The following PVT1 variants were observed in gnomAD, a reference collection of about 807,000 sequenced individuals.
PVT1 encodes the protein Pvt1 oncogene, also known as CXCR4/PVT1 fusion.
At chr8:127,879,698 A>T (rs1011050247) in intron 2 of PVT1, among the ~76,000 whole-genome samples, 3 of 152,220 alleles carry the variant, frequency 2.0e-5, no homozygotes, top group African/African-American at 7.2e-5. Flanking sequence ...CGTATCTCAC[A>T]GCATTGTTGG....
In PVT1 at chr8:127,852,740, C is replaced by T. The variant is rs538671815; in HGVS notation, n.373-37849C>T. Among the ~76,000 whole-genome samples, 3 of 152,272 alleles carry T rather than the reference C, an allele frequency of 2.0e-5. No individual in the cohort carries two copies. In the East Asian group the frequency reaches 5.8e-4, roughly 29 times the overall value. On this transcript the variant is annotated intron_variant and non_coding_transcript_variant, in intron 2 of 10. Coordinates refer to ENST00000651587, the Ensembl canonical transcript of PVT1. ...GGTCCTTTATTACTATTCAAGAAGC[C>T]TGCCCAGCCCTCCTCCCTCTCCATC...
intron 4 of PVT1, among the ~76,000 whole-genome samples, chr8:128,040,896 ATGTT>A (rs1468529644): frequency 1.3e-4 from 13 of 99,256 alleles, no homozygotes; most frequent in East Asian, 7.9e-4. Flanking sequence ...TTGTGTGTAT[ATGTT>A]TGTGCATGTG....
intron 5 of PVT1, among the ~76,000 whole-genome samples, chr8:128,089,231 T>G (rs747296764): frequency 2.0e-5 from 3 of 152,222 alleles, no homozygotes; most frequent in Admixed American, 2.0e-4. Flanking sequence ...CTCATAGTTC[T>G]AGAGGTTTGG....
In PVT1 at chr8:127,856,488, C is replaced by T. The variant is rs142510003; in HGVS notation, n.373-34101C>T. ...TCCCAAGTAGCTGGGATTACAGGCACCTGCCACCACGCCCAGCTAATTTTG... is the reference window on the plus strand; with the variant it reads ...TCCCAAGTAGCTGGGATTACAGGCATCTGCCACCACGCCCAGCTAATTTTG... On this transcript the variant is annotated intron_variant and non_coding_transcript_variant, in intron 2 of 10. Transcript: ENST00000651587. Among the ~76,000 whole-genome samples the T allele has an allele frequency of 4.6e-3, 703 of 151,922 alleles. 6 individuals carry two copies. The highest frequency in any genetic ancestry group is 0.016 in the African/African-American group (669 of 41,410).
At chr8:127,877,138 G>A (rs768892912) in intron 2 of PVT1, among the ~76,000 whole-genome samples, 3 of 152,180 alleles carry the variant, frequency 2.0e-5, no homozygotes, top group African/African-American at 2.4e-5. Flanking sequence ...ACTCCCCAGC[G>A]CCTGAGACAG....
chr8:128,048,194 C>T (rs1269752047), intron 4 of PVT1, among the ~76,000 whole-genome samples: 2 of 152,206 alleles, frequency 1.3e-5, no homozygotes, highest in Admixed American at 1.3e-4. Context: ...CCTAGCCTGC[C>T]CATTTGCATT....
intron 3 of PVT1, among the ~76,000 whole-genome samples, chr8:127,896,071 CTG>C (rs1341523757): frequency 6.6e-6 from 1 of 152,210 alleles, no homozygotes; most frequent in Admixed American, 6.5e-5. Context: ...TGCAATATTT[CTG>C]TGAGACTTGT....
intron 4 of PVT1, among the ~76,000 whole-genome samples, chr8:128,067,314 G>C (rs1007424426): frequency 1.3e-5 from 2 of 152,132 alleles, no homozygotes; most frequent in Admixed American, 1.3e-4. Flanking sequence ...TGGTGATGTG[G>C]GGCTAGAGAG....
chr8:127,914,779 G>A (rs902576103), intron 3 of PVT1, among the ~76,000 whole-genome samples: 2 of 151,642 alleles, frequency 1.3e-5, no homozygotes, highest in African/African-American at 4.8e-5. Context: ...GGGGGCCATG[G>A]GGAGTAGCTG....
At chr8:127,916,620 C>T (rs111866941) in intron 3 of PVT1, among the ~76,000 whole-genome samples, 3 of 152,284 alleles carry the variant, frequency 2.0e-5, no homozygotes, top group African/African-American at 7.2e-5. Context: ...CATTTTCTCT[C>T]ATAGTAGGAA....
chr8:127,905,863 G>T (rs1282389805), intron 3 of PVT1, among the ~76,000 whole-genome samples: 1 of 152,210 alleles, frequency 6.6e-6, no homozygotes, highest in Non-Finnish European at 1.5e-5. Flanking sequence ...GGCTGGCCTG[G>T]ATTGAATCCT....
chr8:128,040,102 G>A (rs1310346349), intron 4 of PVT1, among the ~76,000 whole-genome samples: 1 of 152,180 alleles, frequency 6.6e-6, no homozygotes, highest in Non-Finnish European at 1.5e-5. Context: ...GGAGGCAGCT[G>A]CATGTACAGA....
rs563276214 is a variant in PVT1 at position 128,055,874 on chromosome 8, C to T, written n.913-14286C>T. 3.8e-4 allele frequency among the ~76,000 whole-genome samples: 58 copies of T among 152,266 alleles called. No homozygotes were observed. In the South Asian group the frequency reaches 8.9e-3, roughly 23 times the overall value. On this transcript the variant is annotated intron_variant and non_coding_transcript_variant, in intron 4 of 10. Coordinates refer to ENST00000651587, the Ensembl canonical transcript of PVT1. ...AAGTTTCCTAGGACAGAATCATTTC[C>T]ATCACCTTCCCCTGGTAAAGCAGCC...
chr8:127,967,077 C>A (rs1259419485), intron 3 of PVT1, among the ~76,000 whole-genome samples: 3 of 152,186 alleles, frequency 2.0e-5, no homozygotes, highest in Non-Finnish European at 2.9e-5. Context: ...GCACACCTGA[C>A]AACGCCTTGG....
intron 2 of PVT1, among the ~76,000 whole-genome samples, chr8:127,886,962 G>C (rs1815529823): frequency 6.6e-6 from 1 of 152,056 alleles, no homozygotes; most frequent in South Asian, 2.1e-4. Flanking sequence ...GTGCTTTTTT[G>C]TTTCAGTAGG....
chr8:127,879,723 C>A (rs967327443), intron 2 of PVT1, among the ~76,000 whole-genome samples: 2 of 152,180 alleles, frequency 1.3e-5, no homozygotes, highest in East Asian at 3.9e-4. Flanking sequence ...TACAGGAACA[C>A]AACCAATGCT....
chr8:127,871,483 A>G (rs189142683), intron 2 of PVT1, among the ~76,000 whole-genome samples: 175 of 152,306 alleles, frequency 1.1e-3, no homozygotes, highest in African/African-American at 4.1e-3. Flanking sequence ...CTGCTGAGGA[A>G]GGGATGCGCT....
At chr8:127,834,466 C>A (rs1043927830) in intron 2 of PVT1, among the ~76,000 whole-genome samples, 1 of 151,996 alleles carries the variant, frequency 6.6e-6, no homozygotes, top group Non-Finnish European at 1.5e-5. Flanking sequence ...CCATAAAAAC[C>A]CTAGATGAAA....
chr8:127,912,702 CT>C (rs112470427), intron 3 of PVT1, among the ~76,000 whole-genome samples: 676 of 144,184 alleles, frequency 4.7e-3, no homozygotes, highest in Middle Eastern at 0.011. Flanking sequence ...TCCCTCCCTT[CT>C]TTTTTTTTTT....
Sources: gnomAD v4.1 joint callset for allele counts (sites outside exome capture counted in the v4.1 genomes callset) on GRCh38, gnomAD v4.1.1 for gene constraint, MANE v1.5 for transcripts, NCBI Gene and HGNC (gene_info 2026-07-23, HGNC 2026-07-21) for gene names.